The following RNF144B variants were observed in gnomAD, a reference collection of about 807,000 sequenced individuals.
RNF144B encodes the protein ring finger protein 144B.
In RNF144B, 25 loss-of-function variants were observed where a neutral mutation model predicts 40.2. That is an observed-to-expected ratio of 0.62 (90% CI 0.45 to 0.87). RNF144B has a LOEUF of 0.87. RNF144B is among the 40% of genes least tolerant of loss of function. The pLI is 0.00. For synonymous variants in RNF144B, 145 were observed against 136.3 expected (o/e 1.06, Z -0.44); for missense variants, 365 against 373.7 (o/e 0.98, Z 0.19).
Position 18,410,994 on chromosome 6 carries a change from C to CT in RNF144B, c.165+11304dup, listed in dbSNP as rs58598090. ...TTCTTTTTTTTTCTTCTTTTCTTTT[C>CT]TTTTTTTTTGAGACGGAGTCTCATT... On this transcript the variant is annotated intron_variant, in intron 2 of 7. Transcript: ENST00000259939. This position sits in a 1 kb window ranked among gnomAD's most constrained non-coding sequence, Gnocchi z 4.6. 0.64 allele frequency among the ~76,000 whole-genome samples: 94,499 copies of CT among 147,824 alleles called. 30,424 individuals are homozygous for CT. The highest frequency in any genetic ancestry group is 0.69 in the Non-Finnish European group (46,351 of 67,226).
rs962856735 is a variant in RNF144B, at chr6:18,441,186, G to T, written c.331+1442G>T. Among the ~76,000 whole-genome samples the T allele has an allele frequency of 6.6e-6, 1 of 152,068 alleles. No homozygotes were observed. Among genetic ancestry groups the T allele is most frequent in the African/African-American group, 2.4e-5 (1 of 41,416 alleles). On this transcript the variant is annotated intron_variant, in intron 4 of 7. Coordinates refer to ENST00000259939, the MANE Select transcript of RNF144B (RefSeq NM_182757.4). The surrounding 1 kb of genome is among the most constrained non-coding windows in gnomAD (Gnocchi z 4.9). ...CTAAAGATAAGAGCATCAACCATCT[G>T]CCCTGCCATTTTCCCACTTTATCCC...
Position 18,402,643 on chromosome 6 carries a change from G to A in RNF144B, c.165+2944G>A, listed in dbSNP as rs899621796. On this transcript the variant is annotated intron_variant, in intron 2 of 7. Coordinates refer to ENST00000259939, the MANE Select transcript of RNF144B (RefSeq NM_182757.4). ...TTCTTCTGATGAAGCATTTCCCTTT[G>A]ACCGTGCCACCCTTTTGAGTGGAAC... Among the ~76,000 whole-genome samples the A allele has an allele frequency of 1.3e-5, 2 of 152,026 alleles. 1 individual carries two copies. The highest frequency in any genetic ancestry group is 4.8e-5 in the African/African-American group (2 of 41,392).
At chr6:18,420,528 G>A (rs370605850) in intron 2 of RNF144B, among the ~76,000 whole-genome samples, 11 of 152,100 alleles carry the variant, frequency 7.2e-5, no homozygotes, top group African/African-American at 2.2e-4. Flanking sequence ...CATGCTGGGC[G>A]TGCTACATTG....
intron 2 of RNF144B, among the ~76,000 whole-genome samples, 159 bp downstream of exon 2, chr6:18,399,858 TAA>T (rs1461125199): frequency 6.6e-6 from 1 of 152,228 alleles, no homozygotes; most frequent in Non-Finnish European, 1.5e-5. Flanking sequence ...AATAGTATCT[TAA>T]ATGGTAAATC....
chr6:18,465,047 C>T lies in RNF144B; in HGVS notation c.892C>T (p.His298Tyr), dbSNP rs1759547598. ...CKSCRGKKKKHDPSTT is the reference protein window; with the variant it reads ...CKSCRGKKKKYDPSTT Reference sequence around the variant, plus strand: ...GTCCTGTCGGGGCAAGAAGAAAAAGCACGACCCATCCACAACCTAAAGATC... The same window carrying T: ...GTCCTGTCGGGGCAAGAAGAAAAAGTACGACCCATCCACAACCTAAAGATC... Residue 298 changes from histidine (H) to tyrosine (Y), a missense_variant, in exon 8 of 8, where the codon CAC becomes TAC. By Grantham distance (83) the His-to-Tyr change is moderately conservative. Coordinates refer to ENST00000259939, the MANE Select transcript of RNF144B (RefSeq NM_182757.4). 1 of 1,613,758 alleles carries T rather than the reference C, an allele frequency of 6.2e-7. No individual in the cohort carries two copies. The highest frequency in any genetic ancestry group is 8.5e-7 in the Non-Finnish European group (1 of 1,179,888).
In RNF144B at chr6:18,442,355, T is replaced by C. The variant is rs1436449222; in HGVS notation, c.331+2611T>C. On this transcript the variant is annotated intron_variant, in intron 4 of 7. Transcript: ENST00000259939. The surrounding 1 kb of genome is among the most constrained non-coding windows in gnomAD (Gnocchi z 4.3). ...AGTTTTATTCATACATGGAATTTATTTTTTTCTCACGAGTTCTGGGCAGAT... is the reference window on the plus strand; with the variant it reads ...AGTTTTATTCATACATGGAATTTATCTTTTTCTCACGAGTTCTGGGCAGAT... Among the ~76,000 whole-genome samples, 1 of 152,230 alleles carries C rather than the reference T, an allele frequency of 6.6e-6. No homozygotes were observed. The highest frequency in any genetic ancestry group is 2.4e-5 in the African/African-American group (1 of 41,456).
At chr6:18,454,674 T>C (rs948876406) in intron 4 of RNF144B, among the ~76,000 whole-genome samples, 24 of 152,354 alleles carry the variant, frequency 1.6e-4, no homozygotes, top group Middle Eastern at 3.4e-3. Context: ...ATAGCTGCAC[T>C]GCGCCATAGC....
rs1019479466 is a variant in RNF144B at position 18,466,497 on chromosome 6, A to G, written c.*1430A>G. On this transcript the variant is annotated 3_prime_UTR_variant, in exon 8 of 8. Coordinates refer to ENST00000259939, the MANE Select transcript of RNF144B (RefSeq NM_182757.4). ...CATTGTGACTTATTTTTTCCATTAT[A>G]CCATTAGTCAGATTTGAATAACGAG... 1.0e-4 allele frequency: 16 copies of G among 152,668 alleles called. No homozygotes were observed. Among genetic ancestry groups the G allele is most frequent in the African/African-American group, 3.9e-4 (16 of 41,472 alleles). 9.5% of individuals were successfully genotyped at this position (152,668 alleles called of 1,614,324 possible).
At chr6:18,433,289 C>A (rs767510269) in intron 3 of RNF144B, among the ~76,000 whole-genome samples, 1 of 152,140 alleles carries the variant, frequency 6.6e-6, no homozygotes, top group Non-Finnish European at 1.5e-5. Flanking sequence ...GGCTGCAATA[C>A]GTGTTGGCTG....
chr6:18,398,244 G>T lies in RNF144B; in HGVS notation c.-36-1255G>T, dbSNP rs1426399791. 3.3e-5 allele frequency among the ~76,000 whole-genome samples: 5 copies of T among 152,102 alleles called. No individual in the cohort carries two copies. The highest frequency in any genetic ancestry group is 7.4e-5 in the Non-Finnish European group (5 of 68,024). On this transcript the variant is annotated intron_variant, in intron 1 of 7. Coordinates refer to ENST00000259939, the MANE Select transcript of RNF144B (RefSeq NM_182757.4). This position sits in a 1 kb window ranked among gnomAD's most constrained non-coding sequence, Gnocchi z 5.0. ...ATTTAAGTGGAATCATACAATATTT[G>T]ATTTTCTGTCTGGTTTATTTCAGTT... is the stretch of plus-strand genomic sequence containing the variant.
At chr6:18,390,041 A>G (rs1794550092) in intron 1 of RNF144B, among the ~76,000 whole-genome samples, 1 of 152,210 alleles carries the variant, frequency 6.6e-6, no homozygotes, top group Non-Finnish European at 1.5e-5. Flanking sequence ...AGATGCTGGG[A>G]TATAAAGATG....
intron 2 of RNF144B, among the ~76,000 whole-genome samples, chr6:18,411,490 TATATATA>T (rs1194389870): frequency 0.069 from 1,803 of 26,094 alleles, 163 homozygotes; most frequent in Non-Finnish European, 0.089. Flanking sequence ...TATATATATA[TATATATA>T]TTTTTTTTTT....
chr6:18,422,979 A>C lies in RNF144B; in HGVS notation c.166-4602A>C. Reference sequence around the variant, plus strand: ...AAAAAAAAAAAAATCAACTAATGGCACTCATTACCTCCTTCCTCTCAACAG... The same window carrying C: ...AAAAAAAAAAAAATCAACTAATGGCCCTCATTACCTCCTTCCTCTCAACAG... On this transcript the variant is annotated intron_variant, in intron 2 of 7. Transcript: ENST00000259939. The surrounding 1 kb of genome is among the most constrained non-coding windows in gnomAD (Gnocchi z 4.7). Among the ~76,000 whole-genome samples the C allele has an allele frequency of 6.6e-6, 1 of 150,408 alleles. No homozygotes were observed. Among genetic ancestry groups the C allele is most frequent in the African/African-American group, 2.4e-5 (1 of 40,856 alleles).
intron 4 of RNF144B, among the ~76,000 whole-genome samples, chr6:18,455,771 G>A (rs191161846): frequency 6.6e-6 from 1 of 152,134 alleles, no homozygotes; most frequent in African/African-American, 2.4e-5. Flanking sequence ...ATAGATGGCT[G>A]TCAGTTCTCC....
chr6:18,407,686 A>T (rs1415224951), intron 2 of RNF144B, among the ~76,000 whole-genome samples: 2 of 152,218 alleles, frequency 1.3e-5, no homozygotes, highest in African/African-American at 4.8e-5. Flanking sequence ...AATTGGTTAG[A>T]ATCTAATTTT....
Position 18,410,266 on chromosome 6 carries a change from A to G in RNF144B, c.165+10567A>G, listed in dbSNP as rs185997030. Among the ~76,000 whole-genome samples the G allele has an allele frequency of 9.2e-5, 14 of 152,248 alleles. No homozygotes were observed. The East Asian group carries it at 2.5e-3, about 27-fold the overall frequency. On this transcript the variant is annotated intron_variant, in intron 2 of 7. Coordinates refer to ENST00000259939, the MANE Select transcript of RNF144B (RefSeq NM_182757.4). The surrounding 1 kb of genome is among the most constrained non-coding windows in gnomAD (Gnocchi z 4.6). Reference sequence around the variant, plus strand: ...CTATTCCCACCTTTGTCCAGACTCTACTGATCCATTTGGTACTAGTGTGTG... The same window carrying G: ...CTATTCCCACCTTTGTCCAGACTCTGCTGATCCATTTGGTACTAGTGTGTG...
chr6:18,441,320 T>A lies in RNF144B; in HGVS notation c.331+1576T>A, dbSNP rs1182119083. On this transcript the variant is annotated intron_variant, in intron 4 of 7. Transcript: ENST00000259939. This position sits in a 1 kb window ranked among gnomAD's most constrained non-coding sequence, Gnocchi z 4.9. Reference sequence around the variant, plus strand: ...GTACCATGATTTGAGTGCTTTTACCTGGAGAAAGCCTACAGAGTTAGGTTG... The same window carrying A: ...GTACCATGATTTGAGTGCTTTTACCAGGAGAAAGCCTACAGAGTTAGGTTG... Among the ~76,000 whole-genome samples the A allele has an allele frequency of 6.6e-6, 1 of 152,224 alleles. No individual in the cohort carries two copies. The highest frequency in any genetic ancestry group is 2.4e-5 in the African/African-American group (1 of 41,460).
chr6:18,397,849 T>C (rs1300584782), intron 1 of RNF144B, among the ~76,000 whole-genome samples: 2 of 152,158 alleles, frequency 1.3e-5, no homozygotes, highest in African/African-American at 4.8e-5. Context: ...TGTCTTCTGC[T>C]CTGCCATGTA....
rs1368877484 is a variant in RNF144B at position 18,444,264 on chromosome 6, T to G, written c.331+4520T>G. ...TACCCGCTTTCCACCCATCTGTGACTTTTTGTCTGGCTGCCACTATGTTTC... is the reference window on the plus strand; with the variant it reads ...TACCCGCTTTCCACCCATCTGTGACGTTTTGTCTGGCTGCCACTATGTTTC... On this transcript the variant is annotated intron_variant, in intron 4 of 7. Transcript: ENST00000259939. The surrounding 1 kb of genome is among the most constrained non-coding windows in gnomAD (Gnocchi z 4.3). Among the ~76,000 whole-genome samples, 2 of 152,232 alleles carry G rather than the reference T, an allele frequency of 1.3e-5. No individual in the cohort carries two copies. The highest frequency in any genetic ancestry group is 4.8e-5 in the African/African-American group (2 of 41,462).
Sources: gnomAD v4.1 joint callset for allele counts (sites outside exome capture counted in the v4.1 genomes callset) on GRCh38, gnomAD v4.1.1 for gene constraint, Gnocchi (gnomAD v3.1) non-coding constraint, MANE v1.5 for transcripts, NCBI Gene and HGNC (gene_info 2026-07-23, HGNC 2026-07-21) for gene names.